NCKAP5: variants seen among roughly 807,000 people sequenced by gnomAD.
NCKAP5 encodes NCK associated protein 5.
In NCKAP5, 92 loss-of-function variants were observed where a neutral mutation model predicts 167.0. The ratio of observed to expected loss-of-function variants is 0.55; its 90% CI spans 0.47 to 0.66. NCKAP5 has a LOEUF of 0.66. Among genes scored for constraint, NCKAP5 ranks in the 30% least tolerant of loss-of-function variants. The pLI is 0.00. For missense variants in NCKAP5, 2,378 were observed against 2,315.0 expected (o/e 1.03, Z -0.56); for synonymous variants, 891 against 877.4 (o/e 1.02, Z -0.27).
chr2:133,486,803 A>G (rs1257867098), intron 3 of NCKAP5, among the ~76,000 whole-genome samples: 1 of 152,200 alleles, frequency 6.6e-6, no homozygotes, highest in Non-Finnish European at 1.5e-5. Context: ...CATAAAAACA[A>G]TTAGTAAGCT....
intron 1 of NCKAP5, among the ~76,000 whole-genome samples, chr2:133,567,103 G>T (rs1423181155): frequency 6.6e-6 from 1 of 152,210 alleles, no homozygotes; most frequent in Non-Finnish European, 1.5e-5. Context: ...GAGTCATGGG[G>T]TTCACATGCG....
At chr2:133,317,955 G>T (rs1296391256) in intron 3 of NCKAP5, among the ~76,000 whole-genome samples, 2 of 152,196 alleles carry the variant, frequency 1.3e-5, no homozygotes, top group Non-Finnish European at 2.9e-5. Context: ...CCTTCAGGGG[G>T]CTGTGTATAT....
chr2:132,834,136 T>C (rs551802260), intron 11 of NCKAP5, among the ~76,000 whole-genome samples: 4 of 152,284 alleles, frequency 2.6e-5, no homozygotes, highest in African/African-American at 9.6e-5. Context: ...TTTCTAGGTA[T>C]AAGATCATAT....
chr2:133,492,857 G>A (rs1376827590), intron 3 of NCKAP5, among the ~76,000 whole-genome samples: 2 of 152,140 alleles, frequency 1.3e-5, no homozygotes, highest in Admixed American at 6.5e-5. Flanking sequence ...CTCCTTCCTG[G>A]ACTGGAAGAC....
At chr2:132,995,945 G>A (rs1033667563) in intron 6 of NCKAP5, among the ~76,000 whole-genome samples, 1 of 152,118 alleles carries the variant, frequency 6.6e-6, no homozygotes, top group Non-Finnish European at 1.5e-5. Flanking sequence ...CTGCACTCCA[G>A]CCTGGGCAAC....
intron 5 of NCKAP5, among the ~76,000 whole-genome samples, chr2:133,174,432 C>G (rs974449131): frequency 1.3e-5 from 2 of 152,114 alleles, no homozygotes; most frequent in African/African-American, 4.8e-5. Context: ...GGAAGAGATA[C>G]CTTGAGACTA....
At chr2:133,225,843 C>A (rs572202051) in intron 4 of NCKAP5, among the ~76,000 whole-genome samples, 1 of 127,808 alleles carries the variant, frequency 7.8e-6, no homozygotes, top group African/African-American at 3.0e-5. Context: ...AGTTCAGTGG[C>A]GCGATCTCGG....
At chr2:133,116,585 C>T (rs997734428) in intron 6 of NCKAP5, among the ~76,000 whole-genome samples, 1 of 146,988 alleles carries the variant, frequency 6.8e-6, no homozygotes, top group Non-Finnish European at 1.5e-5. Context: ...TTCTCAAAGA[C>T]ACTGGAAGAA....
At chr2:133,660,390 G>A in the NCKAP5 span, among the ~76,000 whole-genome samples, 21 of 151,864 alleles carry the variant, frequency 1.4e-4, no homozygotes, top group Admixed American at 2.0e-4. Context: ...TTTATTTTGT[G>A]TGTGTGTGCA....
At chr2:132,824,002 T>C (rs1469431338) in intron 11 of NCKAP5, among the ~76,000 whole-genome samples, 1 of 152,134 alleles carries the variant, frequency 6.6e-6, no homozygotes, top group African/African-American at 2.4e-5. Context: ...CCTAAATATA[T>C]ATGCACCTAA....
At chr2:132,769,069 C>T (rs536846553) in intron 16 of NCKAP5, among the ~76,000 whole-genome samples, 4 of 151,818 alleles carry the variant, frequency 2.6e-5, no homozygotes, top group Admixed American at 6.6e-5. Flanking sequence ...TTCAGCATCC[C>T]GAGTAGCTGG....
intron 2 of NCKAP5, among the ~76,000 whole-genome samples, chr2:133,522,810 C>T (rs1389576469): frequency 6.6e-6 from 1 of 152,170 alleles, no homozygotes; most frequent in African/African-American, 2.4e-5. Context: ...ATCTATTTAC[C>T]TGCACCTACA....
intron 6 of NCKAP5, among the ~76,000 whole-genome samples, chr2:133,111,784 T>C (rs2081922883): frequency 6.6e-6 from 1 of 152,166 alleles, no homozygotes; most frequent in Non-Finnish European, 1.5e-5. Context: ...CACTGGGCTG[T>C]GATGAACATT....
At chr2:132,867,482 G>A (rs1690448390) in intron 10 of NCKAP5, among the ~76,000 whole-genome samples, 1 of 152,194 alleles carries the variant, frequency 6.6e-6, no homozygotes, top group Non-Finnish European at 1.5e-5. Flanking sequence ...TTTGTTTGGT[G>A]TGGCTGTGTG....
At chr2:133,174,818 G>C (rs754805891) in intron 5 of NCKAP5, among the ~76,000 whole-genome samples, 1 of 150,900 alleles carries the variant, frequency 6.6e-6, no homozygotes, top group Non-Finnish European at 1.5e-5. Flanking sequence ...GTCTCTAGCT[G>C]TACTCTCTGT....
At chr2:132,749,994 T>TA (rs144336792) in intron 16 of NCKAP5, among the ~76,000 whole-genome samples, 8,515 of 152,226 alleles carry the variant, frequency 0.056, 356 homozygotes, top group Non-Finnish European at 0.083. Flanking sequence ...CAAAAATCAG[T>TA]ATATCCAGCT....
intron 11 of NCKAP5, among the ~76,000 whole-genome samples, chr2:132,822,756 C>T (rs1558823120): frequency 6.6e-6 from 1 of 152,056 alleles, no homozygotes; most frequent in Non-Finnish European, 1.5e-5. Flanking sequence ...GATTATTAAG[C>T]TACTCAAGGA....
chr2:133,350,240 C>G (rs1684269815), intron 3 of NCKAP5, among the ~76,000 whole-genome samples: 1 of 151,970 alleles, frequency 6.6e-6, no homozygotes. Flanking sequence ...AGTGAGATCC[C>G]ATCTCTACAA....
At chr2:133,193,972 C>A (rs10176380) in intron 5 of NCKAP5, among the ~76,000 whole-genome samples, 48,784 of 151,886 alleles carry the variant, frequency 0.32, 8,115 homozygotes, top group East Asian at 0.53. Context: ...TTGCTAAGGG[C>A]AAGCTGACAG....
Sources: allele counts gnomAD v4.1 joint callset (sites outside exome capture counted in the v4.1 genomes callset), GRCh38; gene constraint gnomAD v4.1.1; transcripts MANE v1.5; gene names NCBI Gene and HGNC (gene_info 2026-07-23, HGNC 2026-07-21).